Variants in TMEM64 observed in about 807,000 individuals in gnomAD.
TMEM64 encodes transmembrane protein 64.
Under a neutral mutation model 24.5 loss-of-function variants are expected in TMEM64, and 19 were observed. The observed-to-expected ratio is 0.78, with a 90% CI of 0.54 to 1.14. The LOEUF (loss-of-function observed/expected upper bound fraction) is 1.14. Ranked by LOEUF, TMEM64 falls within the 50% of genes most tolerant of loss-of-function variation. The probability of loss-of-function intolerance (pLI) is 0.00; values close to 1 mark genes in which losing one functional copy is unlikely to be tolerated. For synonymous variants in TMEM64, 262 were observed against 224.7 expected (o/e 1.17, Z -1.49); for missense variants, 487 against 493.0 (o/e 0.99, Z 0.12).
chr8:90,645,673 G>C lies in TMEM64; in HGVS notation c.233C>G (p.Ala78Gly). The C allele has an allele frequency of 6.7e-7, 1 of 1,502,198 alleles. No homozygotes were observed. 93.1% of individuals were successfully genotyped at this position (1,502,198 alleles called of 1,614,324 possible). The change falls in exon 1 of 3, where the codon GCT becomes GGT. Residue 78 changes from alanine (A) to glycine (G), a missense_variant. Physicochemically the swap from Ala to Gly is moderately conservative, Grantham distance 60. Around this residue, in one of 3 missense-constraint regions of TMEM64, gnomAD observed 419 missense variants for 407.5 expected, o/e 1.03. Transcript: ENST00000458549. The surrounding 1 kb of genome is among the most constrained non-coding windows in gnomAD (Gnocchi z 4.2). ...AYLERHGPPE[A>G]SELPEPGGAL... The stretch of plus-strand genomic sequence containing the variant: ...CCCGCCCGGCTCCGGCAGCTCCGAA[G>C]CCTCGGGCGGACCGTGGCGCTCCAG...
chr8:90,631,457 C>A, intron 2 of TMEM64, 95 bp downstream of exon 2: 8 of 1,083,570 alleles, frequency 7.4e-6, no homozygotes, highest in South Asian at 7.2e-5. Context: ...ATGGAAAAAC[C>A]CTCTGATTAT....
chr8:90,639,718 T>C (rs1375884912), intron 1 of TMEM64, among the ~76,000 whole-genome samples: 2 of 152,168 alleles, frequency 1.3e-5, no homozygotes, highest in African/African-American at 2.4e-5. Flanking sequence ...AAAATACATA[T>C]CAATAAAATG....
intron 1 of TMEM64, among the ~76,000 whole-genome samples, chr8:90,642,480 T>C (rs1438046538): frequency 1.3e-5 from 2 of 151,832 alleles, no homozygotes; most frequent in African/African-American, 2.4e-5. Flanking sequence ...ACAAGAAATA[T>C]GCCTAGAAAA....
intron 1 of TMEM64, among the ~76,000 whole-genome samples, chr8:90,643,228 C>A (rs1809633760): frequency 6.6e-6 from 1 of 152,164 alleles, no homozygotes; most frequent in African/African-American, 2.4e-5. Context: ...AAGTTTGACT[C>A]TACCATTAAT....
chr8:90,637,847 G>A (rs1387135360), intron 1 of TMEM64, among the ~76,000 whole-genome samples: 3 of 152,086 alleles, frequency 2.0e-5, no homozygotes, highest in African/African-American at 7.2e-5. Flanking sequence ...TTAAAAATCA[G>A]TTTCAAGAAA....
At chr8:90,640,351 A>G (rs1028489964) in intron 1 of TMEM64, among the ~76,000 whole-genome samples, 2 of 152,338 alleles carry the variant, frequency 1.3e-5, no homozygotes, top group East Asian at 3.9e-4. Context: ...AAAACATATT[A>G]CAGAATAAGA....
intron 2 of TMEM64, 57 bp from the exon 3 acceptor site, chr8:90,625,919 A>G: frequency 7.6e-7 from 1 of 1,309,882 alleles, no homozygotes; most frequent in Non-Finnish European, 1.0e-6. Flanking sequence ...AAAAAGAAAT[A>G]AATCCAATAA....
rs1246502407 is a variant in TMEM64, at chr8:90,645,701, A to G, written c.205T>C (p.Tyr69His). Residue 69 changes from tyrosine to histidine, a missense_variant, in exon 1 of 3, where the codon TAT (tyrosine) becomes CAT (histidine). Physicochemically the swap from Tyr to His is moderately conservative, Grantham distance 83. Transcript: ENST00000458549. This position sits in a 1 kb window ranked among gnomAD's most constrained non-coding sequence, Gnocchi z 4.2. ...AAASGALLGA[Y>H]LERHGPPEAS... ...TCGGGCGGACCGTGGCGCTCCAGATAGGCGCCGAGCAGGGCGCCCGAGGCC... is the reference window on the plus strand; with the variant it reads ...TCGGGCGGACCGTGGCGCTCCAGATGGGCGCCGAGCAGGGCGCCCGAGGCC... 1.1e-5 allele frequency: 16 copies of G among 1,404,090 alleles called. 1 individual carries two copies. In the East Asian group the frequency reaches 4.0e-4, roughly 35 times the overall value. 87.0% of individuals were successfully genotyped at this position (1,404,090 alleles called of 1,614,324 possible).
intron 1 of TMEM64, among the ~76,000 whole-genome samples, chr8:90,636,545 C>T (rs113825642): frequency 0.019 from 2,920 of 152,324 alleles, 76 homozygotes; most frequent in African/African-American, 0.067. Context: ...TGAGCCACTG[C>T]ACCTGGTCTA....
At position 90,626,792 on chromosome 8, in the gene TMEM64, G is replaced by A. The variant is rs571471768; in HGVS notation, c.952-930C>T. On this transcript the variant is annotated intron_variant, in intron 2 of 2. Transcript: ENST00000458549. ...ATTACATGCATGCGCCCCACGCCTG[G>A]CTAATTTTTGTATTTTTAGTAGAGA... 5.9e-5 allele frequency among the ~76,000 whole-genome samples: 9 copies of A among 151,974 alleles called. No individual in the cohort carries two copies. In the East Asian group the frequency reaches 1.5e-3, roughly 26 times the overall value.
At position 90,645,650 on chromosome 8, in the gene TMEM64, C is replaced by A; in HGVS notation, c.256G>T (p.Gly86Trp). ...PEASELPEPG[G>W]ALAGGPGSGG... is the part of the protein sequence containing the mutation. ...CTCCCGGGGCCGCCCGCCAAGGCCC[C>A]GCCCGGCTCCGGCAGCTCCGAAGCC... is the stretch of plus-strand genomic sequence containing the variant. The change falls in exon 1 of 3, where the codon GGG (glycine) becomes TGG (tryptophan). Residue 86 changes from glycine (G) to tryptophan (W), a missense_variant. Gly to Trp is a radical substitution (Grantham distance 184). Around this residue, in one of 3 missense-constraint regions of TMEM64, gnomAD observed 419 missense variants for 407.5 expected, o/e 1.03. Transcript: ENST00000458549. This position sits in a 1 kb window ranked among gnomAD's most constrained non-coding sequence, Gnocchi z 4.2. 1.3e-6 allele frequency: 2 copies of A among 1,529,764 alleles called. No individual in the cohort carries two copies. Among genetic ancestry groups the A allele is most frequent in the Non-Finnish European group, 8.7e-7 (1 of 1,143,366 alleles). The allele number at this position is 1,529,764 out of a possible 1,614,324, so 94.8% of individuals were successfully genotyped here. A position where few individuals can be genotyped will look rare whatever the true frequency, so the allele number is the denominator to read the frequency against.
At chr8:90,634,909 C>G (rs1809492727) in intron 1 of TMEM64, among the ~76,000 whole-genome samples, 1 of 152,132 alleles carries the variant, frequency 6.6e-6, no homozygotes, top group Admixed American at 6.5e-5. Flanking sequence ...AAAATCATTT[C>G]ACATTTTCAG....
chr8:90,627,054 T>C (rs1489677825), intron 2 of TMEM64, among the ~76,000 whole-genome samples: 3 of 152,164 alleles, frequency 2.0e-5, no homozygotes, highest in African/African-American at 4.8e-5. Context: ...GCAGGTGTTA[T>C]TTAATGTCCC....
chr8:90,635,936 A>G (rs1251579583), intron 1 of TMEM64, among the ~76,000 whole-genome samples: 3 of 152,230 alleles, frequency 2.0e-5, no homozygotes, highest in Non-Finnish European at 4.4e-5. Flanking sequence ...CATAGATGAC[A>G]TCAATAATAT....
chr8:90,636,400 TG>T (rs772664218), intron 1 of TMEM64, among the ~76,000 whole-genome samples: 36 of 151,760 alleles, frequency 2.4e-4, no homozygotes, highest in Non-Finnish European at 4.6e-4. Context: ...GGATTACAGG[TG>T]CACACCACCA....
chr8:90,645,262 C>T lies in TMEM64; in HGVS notation c.644G>A (p.Arg215Gln). ...GGCGGCCACCCAGGCGGTGAGGAGC[C>T]GCTTGCAGACCACATGGGCGATGAA... ...GTFIAHVVCK[R>Q]LLTAWVAARI... The change falls in exon 1 of 3, where the codon CGG becomes CAG. Residue 215 changes from arginine to glutamine, a missense_variant. Arg to Gln is a conservative substitution (Grantham distance 43). Coordinates refer to ENST00000458549, the MANE Select transcript of TMEM64 (RefSeq NM_001008495.4). The surrounding 1 kb of genome is among the most constrained non-coding windows in gnomAD (Gnocchi z 4.2). The T allele has an allele frequency of 1.9e-6, 3 of 1,611,500 alleles. No homozygotes were observed. The highest frequency in any genetic ancestry group is 2.5e-6 in the Non-Finnish European group (3 of 1,178,770).
At chr8:90,633,870 T>A (rs529661760) in intron 1 of TMEM64, among the ~76,000 whole-genome samples, 1 of 152,312 alleles carries the variant, frequency 6.6e-6, no homozygotes, top group Admixed American at 6.5e-5. Flanking sequence ...TGTTTATTTG[T>A]AAGAACTATT....
At chr8:90,637,500 T>C (rs1456703319) in intron 1 of TMEM64, among the ~76,000 whole-genome samples, 1 of 152,230 alleles carries the variant, frequency 6.6e-6, no homozygotes, top group Non-Finnish European at 1.5e-5. Context: ...TATACCTTCC[T>C]GTATAGACTT....
At chr8:90,638,088 A>G (rs1375946767) in intron 1 of TMEM64, among the ~76,000 whole-genome samples, 5 of 151,850 alleles carry the variant, frequency 3.3e-5, no homozygotes. Flanking sequence ...TCCTGACTAC[A>G]CAGACTACCC....
Sources: gnomAD v4.1 joint callset for allele counts (sites outside exome capture counted in the v4.1 genomes callset) on GRCh38, gnomAD v4.1.1 for gene constraint, gnomAD v4.1.1 regional missense constraint, Gnocchi (gnomAD v3.1) non-coding constraint, MANE v1.5 for transcripts, NCBI Gene and HGNC (gene_info 2026-07-23, HGNC 2026-07-21) for gene names.